TJP1: variants seen among roughly 807,000 people sequenced by gnomAD.
The protein encoded by TJP1 is tight junction protein ZO-1.
Under a neutral mutation model 194.2 loss-of-function variants are expected in TJP1, and 43 were observed. That is an observed-to-expected ratio of 0.22 (90% CI 0.17 to 0.29). The LOEUF (loss-of-function observed/expected upper bound fraction) is 0.29, where lower values mean the gene tolerates loss of function less well. Ranked by LOEUF, TJP1 falls within the 10% of genes least tolerant of loss-of-function variation. The pLI is 1.00. For synonymous variants in TJP1, 801 were observed against 779.0 expected (o/e 1.03, Z -0.47); for missense variants, 1,971 against 2,185.7 (o/e 0.90, Z 1.96).
intron 18 of TJP1, among the ~76,000 whole-genome samples, chr15:29,721,491 C>G (rs563032820): frequency 3.3e-4 from 51 of 152,314 alleles, no homozygotes; most frequent in Non-Finnish European, 5.6e-4. Context: ...GCCTGCAGAA[C>G]TGTGAGCCAA....
chr15:29,823,453 A>G (rs925571076), upstream of TJP1: 4 of 152,228 alleles, frequency 2.6e-5, no homozygotes, highest in African/African-American at 7.2e-5. Context: ...AGTAACATCA[A>G]TGATAACATC....
intron 2 of TJP1, among the ~76,000 whole-genome samples, chr15:29,886,748 C>A (rs1412632762): frequency 6.6e-6 from 1 of 150,792 alleles, no homozygotes; most frequent in Non-Finnish European, 1.5e-5. Context: ...TATGTAGGAC[C>A]TATTTAGAGA....
At chr15:29,963,325 T>C (rs1382940914) in intron 1 of TJP1, among the ~76,000 whole-genome samples, 1 of 150,970 alleles carries the variant, frequency 6.6e-6, no homozygotes, top group Non-Finnish European at 1.5e-5. Context: ...GTCATCTCAC[T>C]GATCAATTGT....
At chr15:29,968,347 G>A (rs2056401584) in intron 1 of TJP1, 1 of 985,420 alleles carries the variant, frequency 1.0e-6, no homozygotes, top group Middle Eastern at 5.2e-4. Context: ...GGAGCAGAAA[G>A]GACAGACAGA....
At chr15:29,961,747 G>A (rs2056173016) in intron 1 of TJP1, among the ~76,000 whole-genome samples, 1 of 152,060 alleles carries the variant, frequency 6.6e-6, no homozygotes, top group African/African-American at 2.4e-5. Flanking sequence ...GACACTGCTA[G>A]AACAGGTCTG....
chr15:29,893,215 T>C (rs1202918844), intron 2 of TJP1, among the ~76,000 whole-genome samples: 1 of 152,162 alleles, frequency 6.6e-6, no homozygotes, highest in Non-Finnish European at 1.5e-5. Flanking sequence ...TGTGACTGAA[T>C]TGCTGCAATC....
intron 15 of TJP1, 112 bp downstream of exon 15, chr15:29,732,321 C>T: frequency 1.1e-6 from 1 of 922,676 alleles, no homozygotes; most frequent in Non-Finnish European, 1.7e-6. Flanking sequence ...GGATAAACTG[C>T]TAATTTTTCA....
chr15:29,890,271 T>A (rs2053260163), intron 2 of TJP1, among the ~76,000 whole-genome samples: 1 of 152,168 alleles, frequency 6.6e-6, no homozygotes, highest in African/African-American at 2.4e-5. Flanking sequence ...TTATACATAA[T>A]TTGAAGCGAA....
Position 29,719,791 on chromosome 15 carries a change from C to T in TJP1, c.2989G>A (p.Val997Ile). 6.2e-7 allele frequency: 1 copy of T among 1,613,660 alleles called. No homozygotes were observed. The highest frequency in any genetic ancestry group is 1.1e-5 in the South Asian group (1 of 90,952). ...RDQEPSLSSH[V>I]DPTKVYRKDP... ...AGCACAGGTACCTTTGTTGGATCTA[C>T]ATGCGACGACAATGATGGTTCTTGA... The change falls in exon 20 of 28, where the codon GTA (valine) becomes ATA (isoleucine). Residue 997 changes from valine to isoleucine, a missense_variant. Val to Ile is a conservative substitution (Grantham distance 29). Transcript: ENST00000614355.
intron 2 of TJP1, among the ~76,000 whole-genome samples, chr15:29,895,991 T>C (rs560414088): frequency 3.3e-5 from 5 of 152,326 alleles, no homozygotes; most frequent in Admixed American, 2.0e-4. Flanking sequence ...GGCAGCTCTC[T>C]GGGGCCTCTT....
In TJP1 at chr15:29,701,570, T is replaced by A. The variant is rs778761099; in HGVS notation, c.*25A>T. ...GATTAAGTTTAATCCAGTTTCACATTATTTAAGTTCCTATATTTCAAGAGT... is the reference window on the plus strand; with the variant it reads ...GATTAAGTTTAATCCAGTTTCACATAATTTAAGTTCCTATATTTCAAGAGT... On this transcript the variant is annotated 3_prime_UTR_variant, in exon 28 of 28. Transcript: ENST00000614355. 14 of 1,566,716 alleles carry A rather than the reference T, an allele frequency of 8.9e-6. No individual in the cohort carries two copies. Among genetic ancestry groups the A allele is most frequent in the Non-Finnish European group, 1.1e-5 (12 of 1,137,482 alleles).
At chr15:29,746,192 G>C (rs958055259) in intron 8 of TJP1, among the ~76,000 whole-genome samples, 3 of 151,946 alleles carry the variant, frequency 2.0e-5, no homozygotes, top group South Asian at 4.2e-4. Flanking sequence ...TCCTGGCTAC[G>C]GGTGAAACCC....
chr15:29,909,156 C>CAAA (rs1228556468), intron 2 of TJP1, among the ~76,000 whole-genome samples: 1,948 of 83,420 alleles, frequency 0.023, 29 homozygotes, highest in South Asian at 0.058. Flanking sequence ...GACTCCATCT[C>CAAA]AAAAAAAAAA....
intron 1 of TJP1, among the ~76,000 whole-genome samples, chr15:29,809,749 G>A (rs939977063): frequency 1.3e-5 from 2 of 152,094 alleles, no homozygotes; most frequent in African/African-American, 4.8e-5. Flanking sequence ...AGGAGGCTGA[G>A]GCAGGAGAAT....
chr15:29,872,540 A>G (rs75572393), intron 2 of TJP1, among the ~76,000 whole-genome samples: 2,561 of 152,304 alleles, frequency 0.017, 82 homozygotes, highest in African/African-American at 0.059. Context: ...TTGAGACTTG[A>G]GATCTTCAGA....
At chr15:29,821,500 T>C (rs1254975354) in intron 1 of TJP1, 3 of 152,198 alleles carry the variant, frequency 2.0e-5, no homozygotes, top group African/African-American at 7.2e-5. Flanking sequence ...CTCAAAGCCT[T>C]ATCGCTGGCG....
intron 2 of TJP1, among the ~76,000 whole-genome samples, chr15:29,908,998 C>CA (rs969584096): frequency 3.3e-5 from 5 of 150,470 alleles, no homozygotes; most frequent in African/African-American, 4.9e-5. Context: ...ACCAAAAATA[C>CA]AAAAAAAAAT....
chr15:29,810,393 C>T (rs116308536), intron 1 of TJP1, among the ~76,000 whole-genome samples: 247 of 152,096 alleles, frequency 1.6e-3, no homozygotes, highest in African/African-American at 5.5e-3. Context: ...TAGGAAAGAC[C>T]CAAACCAAGA....
At chr15:29,749,818 G>C (rs765233002) in intron 8 of TJP1, among the ~76,000 whole-genome samples, 1 of 152,150 alleles carries the variant, frequency 6.6e-6, no homozygotes, top group Non-Finnish European at 1.5e-5. Context: ...ACCAAGGAGA[G>C]TAGCTGCTCC....
Sources: gnomAD v4.1 joint callset for allele counts (sites outside exome capture counted in the v4.1 genomes callset) on GRCh38, gnomAD v4.1.1 for gene constraint, MANE v1.5 for transcripts, NCBI Gene and HGNC (gene_info 2026-07-23, HGNC 2026-07-21) for gene names.